The following PFDN1 variants were observed in gnomAD, a reference collection of about 807,000 sequenced individuals.
PFDN1 encodes prefoldin 1.
Under a neutral mutation model 17.3 loss-of-function variants are expected in PFDN1, and 6 were observed. The ratio of observed to expected loss-of-function variants is 0.35; its 90% CI spans 0.19 to 0.69. The LOEUF is 0.69. Ranked by LOEUF, PFDN1 falls within the 30% of genes least tolerant of loss-of-function variation. The pLI, the probability that PFDN1 is intolerant of heterozygous loss-of-function variation, is 0.65. For missense variants in PFDN1, 113 were observed against 146.2 expected (o/e 0.77, Z 1.17); for synonymous variants, 58 against 50.1 (o/e 1.16, Z -0.67).
chr5:140,246,347 C>T (rs749121821), intron 3 of PFDN1, among the ~76,000 whole-genome samples: 39 of 152,224 alleles, frequency 2.6e-4, no homozygotes, highest in Non-Finnish European at 5.0e-4. Flanking sequence ...AAAAAACAGG[C>T]GTCTCAGTAC....
chr5:140,268,467 G>C (rs944327588), intron 3 of PFDN1, among the ~76,000 whole-genome samples: 3 of 152,132 alleles, frequency 2.0e-5, no homozygotes, highest in African/African-American at 4.8e-5. Context: ...GGCCAACGTG[G>C]TGAAACCCCA....
At chr5:140,284,149 T>C (rs1406451283) in intron 2 of PFDN1, among the ~76,000 whole-genome samples, 2 of 152,198 alleles carry the variant, frequency 1.3e-5, no homozygotes, top group East Asian at 1.9e-4. Context: ...AAAACACGTT[T>C]TTCCATGACC....
chr5:140,275,560 T>C (rs935547653), intron 3 of PFDN1, among the ~76,000 whole-genome samples: 4 of 151,894 alleles, frequency 2.6e-5, no homozygotes, highest in Non-Finnish European at 5.9e-5. Context: ...GCTGATGACA[T>C]AGGGCACAAC....
At position 140,245,420 on chromosome 5, in the gene PFDN1, AC is replaced by A. The variant is rs1303744204; in HGVS notation, c.*553del. ...TCTGTTCACTGAGATTCAGCTGTGAACATCTGTTCTTTCTTCCTCTTCTGTC... is the reference window on the plus strand; with the variant it reads ...TCTGTTCACTGAGATTCAGCTGTGAAATCTGTTCTTTCTTCCTCTTCTGTC... On this transcript the variant is annotated 3_prime_UTR_variant, in exon 4 of 4. Coordinates refer to ENST00000261813, the MANE Select transcript of PFDN1 (RefSeq NM_002622.5). The A allele has an allele frequency of 1.4e-6, 1 of 702,242 alleles. No homozygotes were observed. Among genetic ancestry groups the A allele is most frequent in the African/African-American group, 1.7e-5 (1 of 57,250 alleles). The allele number at this position is 702,242 out of a possible 1,614,324, so 43.5% of individuals were successfully genotyped here.
At chr5:140,257,205 A>C (rs1765000963) in intron 3 of PFDN1, among the ~76,000 whole-genome samples, 1 of 151,396 alleles carries the variant, frequency 6.6e-6, no homozygotes, top group African/African-American at 2.4e-5. Flanking sequence ...CCTGGGCAAC[A>C]AGAGCAAAAC....
intron 2 of PFDN1, 91 bp from the exon 3 acceptor site, chr5:140,281,624 A>C: frequency 1.4e-6 from 1 of 713,536 alleles, no homozygotes; most frequent in Non-Finnish European, 2.5e-6. Context: ...TAAACTGAGC[A>C]AATTAAAAGG....
intron 2 of PFDN1, among the ~76,000 whole-genome samples, chr5:140,296,677 T>G (rs1467303570): frequency 6.6e-6 from 1 of 152,218 alleles, no homozygotes; most frequent in Non-Finnish European, 1.5e-5. Flanking sequence ...GAAACCTATG[T>G]GGCAAGGGTA....
chr5:140,284,660 T>C (rs1384769073), intron 2 of PFDN1, among the ~76,000 whole-genome samples: 1 of 152,188 alleles, frequency 6.6e-6, no homozygotes, highest in Non-Finnish European at 1.5e-5. Flanking sequence ...GAGTTCAAAA[T>C]GTACCAATAA....
At chr5:140,293,567 T>G (rs944258077) in intron 2 of PFDN1, among the ~76,000 whole-genome samples, 1 of 152,062 alleles carries the variant, frequency 6.6e-6, no homozygotes, top group Non-Finnish European at 1.5e-5. Context: ...GTGAGAATCT[T>G]TAGACTGGGG....
chr5:140,264,832 A>G (rs1765114298), intron 3 of PFDN1, among the ~76,000 whole-genome samples: 1 of 152,192 alleles, frequency 6.6e-6, no homozygotes, highest in Non-Finnish European at 1.5e-5. Flanking sequence ...GTGACAAAGC[A>G]AAAGCTCATC....
At chr5:140,290,006 T>C (rs1161876034) in intron 2 of PFDN1, among the ~76,000 whole-genome samples, 1 of 152,216 alleles carries the variant, frequency 6.6e-6, no homozygotes, top group Non-Finnish European at 1.5e-5. Context: ...TAATTCATCC[T>C]AAATATATCA....
At chr5:140,274,809 G>C (rs750278839) in intron 3 of PFDN1, among the ~76,000 whole-genome samples, 1 of 151,840 alleles carries the variant, frequency 6.6e-6, no homozygotes, top group Non-Finnish European at 1.5e-5. Flanking sequence ...TTCAAGACCA[G>C]CCTGGCCAAC....
At chr5:140,287,123 T>C (rs187495282) in intron 2 of PFDN1, among the ~76,000 whole-genome samples, 1 of 152,352 alleles carries the variant, frequency 6.6e-6, no homozygotes, top group African/African-American at 2.4e-5. Flanking sequence ...TTGGTTAAAT[T>C]TGTTTCTCAC....
chr5:140,280,417 GT>G (rs1765382610), intron 3 of PFDN1, among the ~76,000 whole-genome samples: 1 of 152,114 alleles, frequency 6.6e-6, no homozygotes, highest in African/African-American at 2.4e-5. Flanking sequence ...ATCACAGGCT[GT>G]TTTTTCTTTA....
At chr5:140,249,665 G>T (rs1764884018) in intron 3 of PFDN1, among the ~76,000 whole-genome samples, 2 of 152,216 alleles carry the variant, frequency 1.3e-5, no homozygotes, top group Admixed American at 6.5e-5. Flanking sequence ...TGCAGCATCT[G>T]CTTCTGGAGA....
chr5:140,271,628 G>T (rs947643786), intron 3 of PFDN1, among the ~76,000 whole-genome samples: 1 of 151,984 alleles, frequency 6.6e-6, no homozygotes, highest in African/African-American at 2.4e-5. Flanking sequence ...AGTGTGGGTG[G>T]AGGGTGGTTT....
chr5:140,266,383 C>T (rs944884554), intron 3 of PFDN1, among the ~76,000 whole-genome samples: 7 of 152,160 alleles, frequency 4.6e-5, no homozygotes, highest in Admixed American at 2.0e-4. Context: ...TAAAAGCAGG[C>T]ATTTCAAAGC....
At chr5:140,276,351 C>A (rs1327493074) in intron 3 of PFDN1, among the ~76,000 whole-genome samples, 5 of 152,092 alleles carry the variant, frequency 3.3e-5, no homozygotes, top group Non-Finnish European at 7.4e-5. Context: ...GAAAATGGTT[C>A]TCAGGAGAAG....
At chr5:140,300,993 A>C (rs1160654032) in intron 1 of PFDN1, among the ~76,000 whole-genome samples, 1 of 152,254 alleles carries the variant, frequency 6.6e-6, no homozygotes, top group African/African-American at 2.4e-5. Flanking sequence ...ACATGGGAAT[A>C]TTAATATAAG....
Sources: gnomAD v4.1 joint callset for allele counts (sites outside exome capture counted in the v4.1 genomes callset) on GRCh38, gnomAD v4.1.1 for gene constraint, MANE v1.5 for transcripts, NCBI Gene and HGNC (gene_info 2026-07-23, HGNC 2026-07-21) for gene names.